Variants in UTS2B observed in about 807,000 individuals in gnomAD.
UTS2B encodes urotensin 2B.
In UTS2B, 21 loss-of-function variants were observed where a neutral mutation model predicts 19.2. That is an observed-to-expected ratio of 1.09 (90% CI 0.78 to 1.58). UTS2B has a LOEUF of 1.58. Ranked by LOEUF, UTS2B falls within the 40% of genes most tolerant of loss-of-function variation. The pLI, the probability that UTS2B is intolerant of heterozygous loss-of-function variation, is 0.00. For synonymous variants in UTS2B, 57 were observed against 50.2 expected (o/e 1.14, Z -0.58); for missense variants, 138 against 130.3 (o/e 1.06, Z -0.29).
chr3:191,310,773 T>C (rs1338054629), intron 3 of UTS2B, among the ~76,000 whole-genome samples: 1 of 125,492 alleles, frequency 8.0e-6, no homozygotes, highest in East Asian at 2.1e-4. Context: ...CTTACTGCTA[T>C]CTACTATGAT....
intron 3 of UTS2B, among the ~76,000 whole-genome samples, chr3:191,315,339 G>A (rs934150205): frequency 6.6e-6 from 1 of 152,160 alleles, no homozygotes; most frequent in African/African-American, 2.4e-5. Context: ...TCAAACCCAA[G>A]GAGGGGGTTC....
At chr3:191,335,200 C>A (rs1393219514), upstream of UTS2B, among the ~76,000 whole-genome samples, 1 of 152,128 alleles carries the variant, frequency 6.6e-6, no homozygotes, top group African/African-American at 2.4e-5. Flanking sequence ...ATGGAGACCA[C>A]TAAACTTAAG....
chr3:191,289,341 A>G (rs573115428), intron 4 of UTS2B, among the ~76,000 whole-genome samples: 1 of 150,180 alleles, frequency 6.7e-6, no homozygotes, highest in South Asian at 2.1e-4. Context: ...CCTGGGAGAC[A>G]GAGCTTGCAG....
In UTS2B at chr3:191,268,407, GA is replaced by G; in HGVS notation, c.*8del. ...ATTCTTATCTTTTTTTGCATCCAGA[GA>G]AAAAGCTTTAAACACAGTATTTCCA... is the stretch of plus-strand genomic sequence containing the variant. On this transcript the variant is annotated 3_prime_UTR_variant, in exon 9 of 9. Transcript: ENST00000340524. 3.2e-6 allele frequency: 5 copies of G among 1,556,670 alleles called. No individual in the cohort carries two copies. The highest frequency in any genetic ancestry group is 4.4e-6 in the Non-Finnish European group (5 of 1,138,910).
intron 4 of UTS2B, among the ~76,000 whole-genome samples, chr3:191,295,172 A>C (rs1198842776): frequency 6.6e-6 from 1 of 152,028 alleles, no homozygotes; most frequent in African/African-American, 2.4e-5. Context: ...CAAACTTCCT[A>C]AAATAATTTT....
intron 2 of UTS2B, among the ~76,000 whole-genome samples, chr3:191,323,246 G>T (rs1717657509): frequency 6.6e-6 from 1 of 151,958 alleles, no homozygotes; most frequent in Non-Finnish European, 1.5e-5. Context: ...TAGAGATCTG[G>T]GCTCACTGCT....
intron 1 of UTS2B, chr3:191,329,570 G>C: frequency 8.2e-7 from 1 of 1,222,136 alleles, no homozygotes. Flanking sequence ...CTGCCGGCCG[G>C]ACTTTGCGCC....
chr3:191,275,651 G>A (rs1716214891), intron 7 of UTS2B, among the ~76,000 whole-genome samples: 1 of 151,416 alleles, frequency 6.6e-6, no homozygotes, highest in Non-Finnish European at 1.5e-5. Context: ...CTGTACTTCT[G>A]CCAGGGCAAC....
At chr3:191,278,282 G>A in intron 5 of UTS2B, 112 bp from the exon 6 acceptor site, 1 of 580,364 alleles carries the variant, frequency 1.7e-6, no homozygotes, top group Non-Finnish European at 3.0e-6. Flanking sequence ...AAGAAATGTA[G>A]AGAGAGTGTA....
chr3:191,330,946 A>G (rs915085729), upstream of UTS2B, among the ~76,000 whole-genome samples: 5 of 152,176 alleles, frequency 3.3e-5, no homozygotes, highest in African/African-American at 1.2e-4. Context: ...TTTTAGCGTT[A>G]ATACTTTTCT....
At chr3:191,339,518 A>G in the UTS2B span, among the ~76,000 whole-genome samples, 16 of 152,318 alleles carry the variant, frequency 1.1e-4, no homozygotes, top group South Asian at 3.3e-3. Context: ...AGGGTATTAC[A>G]TGATAACCAA....
upstream of UTS2B, among the ~76,000 whole-genome samples, chr3:191,333,878 T>C (rs1051190284): frequency 9.9e-5 from 15 of 152,162 alleles, no homozygotes; most frequent in Non-Finnish European, 1.6e-4. Context: ...TTTTTTCTAA[T>C]TTTTTATAGG....
chr3:191,270,005 T>C (rs1323610442), intron 8 of UTS2B, among the ~76,000 whole-genome samples: 1 of 152,248 alleles, frequency 6.6e-6, no homozygotes, highest in Non-Finnish European at 1.5e-5. Flanking sequence ...TCTCCGTTTT[T>C]AGCATGATGC....
chr3:191,308,542 T>G (rs1717204555), intron 3 of UTS2B, among the ~76,000 whole-genome samples: 1 of 152,170 alleles, frequency 6.6e-6, no homozygotes, highest in African/African-American at 2.4e-5. Context: ...TATTGAGATT[T>G]GGGGTTGGGT....
chr3:191,318,906 A>G (rs577042236), intron 2 of UTS2B, among the ~76,000 whole-genome samples: 1 of 152,170 alleles, frequency 6.6e-6, no homozygotes, highest in Non-Finnish European at 1.5e-5. Context: ...TTTTATATGT[A>G]TTAATCACAG....
chr3:191,287,954 C>T (rs938207803), intron 4 of UTS2B, among the ~76,000 whole-genome samples: 2 of 152,066 alleles, frequency 1.3e-5, no homozygotes, highest in South Asian at 2.1e-4. Context: ...TTGCAGGATA[C>T]AAAATCTATG....
intron 4 of UTS2B, among the ~76,000 whole-genome samples, chr3:191,286,993 T>C (rs1243598705): frequency 8.2e-6 from 1 of 122,008 alleles, no homozygotes; most frequent in Non-Finnish European, 1.9e-5. Flanking sequence ...TGTCAACAAA[T>C]TGAATAACTT....
At chr3:191,307,806 T>TTTTTC (rs369338267) in intron 3 of UTS2B, among the ~76,000 whole-genome samples, 1 of 142,830 alleles carries the variant, frequency 7.0e-6, no homozygotes, top group Non-Finnish European at 1.6e-5. Context: ...TGCTTTTTCT[T>TTTTTC]TTTTCTTTTC....
chr3:191,307,602 C>T (rs1011233848), intron 3 of UTS2B, among the ~76,000 whole-genome samples: 1 of 152,120 alleles, frequency 6.6e-6, no homozygotes, highest in African/African-American at 2.4e-5. Context: ...AGAGGATTCT[C>T]TCTGGCTTCC....
Sources: gnomAD v4.1 joint callset for allele counts (sites outside exome capture counted in the v4.1 genomes callset) on GRCh38, gnomAD v4.1.1 for gene constraint, MANE v1.5 for transcripts, NCBI Gene and HGNC (gene_info 2026-07-23, HGNC 2026-07-21) for gene names.